PACRG: variants seen among roughly 807,000 people sequenced by gnomAD.
PACRG encodes the protein parkin coregulated gene protein.
Under a neutral mutation model 29.7 loss-of-function variants are expected in PACRG, and 29 were observed. The observed-to-expected ratio is 0.98, with a 90% confidence interval of 0.73 to 1.33. The LOEUF (loss-of-function observed/expected upper bound fraction) is 1.33, where lower values mean the gene tolerates loss of function less well. Ranked by LOEUF, PACRG falls within the 40% of genes most tolerant of loss-of-function variation. The pLI, the probability that PACRG is intolerant of heterozygous loss-of-function variation, is 0.00. For synonymous variants in PACRG, 116 were observed against 118.7 expected (o/e 0.98, Z 0.15); for missense variants, 279 against 316.2 (o/e 0.88, Z 0.89).
intron 2 of PACRG, among the ~76,000 whole-genome samples, chr6:162,871,565 G>C (rs1402167234): frequency 6.6e-6 from 1 of 151,982 alleles, no homozygotes; most frequent in African/African-American, 2.4e-5. Context: ...TCATATATAT[G>C]TTTTCAAATA....
At chr6:163,141,772 A>AT (rs1388792591) in intron 4 of PACRG, among the ~76,000 whole-genome samples, 1 of 152,192 alleles carries the variant, frequency 6.6e-6, no homozygotes, top group African/African-American at 2.4e-5. Flanking sequence ...TCCTAACAAT[A>AT]TAGCAGAAAC....
intron 1 of PACRG, among the ~76,000 whole-genome samples, chr6:162,789,941 G>A (rs28360546): frequency 0.084 from 12,787 of 152,158 alleles, 683 homozygotes; most frequent in Middle Eastern, 0.17. Flanking sequence ...CCTGCATATG[G>A]AGTAACACCT....
In PACRG at chr6:163,089,250, A is replaced by G. The variant is rs1294673473; in HGVS notation, c.464-9A>G. On this transcript the variant is annotated splice_polypyrimidine_tract_variant and intron_variant, in intron 3 of 4. Transcript: ENST00000366888. ...ATATTTTCTGCTTGGTCCTTCTTTT[A>G]CCATATAGATGCCTTGAACCTCCGA... is the stretch of plus-strand genomic sequence containing the variant. The G allele has an allele frequency of 8.7e-6, 14 of 1,610,880 alleles. No homozygotes were observed. The highest frequency in any genetic ancestry group is 1.2e-5 in the Non-Finnish European group (14 of 1,178,340).
At chr6:163,052,005 C>G (rs1810064221) in intron 2 of PACRG, 1 of 152,090 alleles carries the variant, frequency 6.6e-6, no homozygotes, top group South Asian at 2.1e-4. Flanking sequence ...TGCTATATTA[C>G]ATGATTTTAG....
intron 2 of PACRG, among the ~76,000 whole-genome samples, chr6:163,059,093 A>G (rs1810874852): frequency 6.6e-6 from 1 of 152,048 alleles, no homozygotes; most frequent in Admixed American, 6.5e-5. Flanking sequence ...AAAAAAAAAA[A>G]AAGTTAAAAA....
intron 1 of PACRG, among the ~76,000 whole-genome samples, chr6:162,763,418 T>C (rs1288782183): frequency 6.6e-6 from 1 of 152,208 alleles, no homozygotes. Flanking sequence ...ACATCCATTA[T>C]CCTTCTGATT....
chr6:163,305,914 A>G (rs537216983), intron 4 of PACRG, among the ~76,000 whole-genome samples: 13 of 152,282 alleles, frequency 8.5e-5, no homozygotes, highest in African/African-American at 3.1e-4. Flanking sequence ...TGTAGGTAGC[A>G]AATGTTCTGC....
rs1427598798 is a variant in PACRG at position 163,209,492 on chromosome 6, A to G, written c.614-105335A>G. On this transcript the variant is annotated intron_variant, in intron 4 of 4. Transcript: ENST00000366888. ...GGGCATAAAGTAGAGATTGAATGAT[A>G]CCCACAACAAATAATTGTTAATATT... Among the ~76,000 whole-genome samples, 3 of 152,252 alleles carry G rather than the reference A, an allele frequency of 2.0e-5. No homozygotes were observed. In the East Asian group the frequency reaches 5.8e-4, roughly 29 times the overall value.
At chr6:163,263,875 G>A in intron 4 of PACRG, among the ~76,000 whole-genome samples, 1 of 152,172 alleles carries the variant, frequency 6.6e-6, no homozygotes, top group East Asian at 1.9e-4. Flanking sequence ...ACAAAAGATA[G>A]CACTGAGAAA....
At chr6:163,072,260 A>G (rs1410703136) in intron 3 of PACRG, among the ~76,000 whole-genome samples, 1 of 152,184 alleles carries the variant, frequency 6.6e-6, no homozygotes, top group Non-Finnish European at 1.5e-5. Context: ...ACCAAGTGAG[A>G]TTTATCCCAG....
chr6:163,137,185 A>C (rs35399057), intron 4 of PACRG, among the ~76,000 whole-genome samples: 4 of 151,854 alleles, frequency 2.6e-5, no homozygotes, highest in African/African-American at 4.8e-5. Flanking sequence ...TGTTTAATGA[A>C]CTCTGTTTTA....
rs6916950 is a variant in PACRG at position 162,867,060 on chromosome 6, G to A, written c.291+52779G>A. 5.3e-3 allele frequency among the ~76,000 whole-genome samples: 805 copies of A among 152,188 alleles called. 9 individuals are homozygous for A. Among genetic ancestry groups the A allele is most frequent in the African/African-American group, 0.019 (780 of 41,506 alleles). ...TTAGCTGATAACCAGGGTCCACAGCGGGAAAGACTGGGCAATAGGTCTCCA... is the reference window on the plus strand; with the variant it reads ...TTAGCTGATAACCAGGGTCCACAGCAGGAAAGACTGGGCAATAGGTCTCCA... On this transcript the variant is annotated intron_variant, in intron 2 of 4. Transcript: ENST00000366888.
chr6:162,825,971 A>G (rs1029137), intron 2 of PACRG, among the ~76,000 whole-genome samples: 2 of 150,732 alleles, frequency 1.3e-5, no homozygotes, highest in Non-Finnish European at 3.0e-5. Context: ...TTCTTCCCGT[A>G]TTTATAGTTT....
At chr6:162,827,391 G>T (rs1353894791) in intron 2 of PACRG, among the ~76,000 whole-genome samples, 1 of 152,140 alleles carries the variant, frequency 6.6e-6, no homozygotes, top group African/African-American at 2.4e-5. Context: ...ATGGACTATG[G>T]TGACTATGAC....
intron 4 of PACRG, among the ~76,000 whole-genome samples, chr6:163,233,425 G>T (rs1430947756): frequency 6.6e-6 from 1 of 152,256 alleles, no homozygotes; most frequent in Non-Finnish European, 1.5e-5. Context: ...GGAGAGAAAT[G>T]ACACCAGCCT....
At chr6:162,761,063 C>T (rs764448451) in intron 1 of PACRG, among the ~76,000 whole-genome samples, 2 of 152,146 alleles carry the variant, frequency 1.3e-5, no homozygotes, top group Non-Finnish European at 2.9e-5. Context: ...TCTTTCTGGC[C>T]ACTCTTCACC....
intron 2 of PACRG, among the ~76,000 whole-genome samples, chr6:162,973,917 A>C (rs548552666): frequency 6.6e-6 from 1 of 152,312 alleles, no homozygotes; most frequent in African/African-American, 2.4e-5. Context: ...ATTTCAGAAA[A>C]AATAAAGACA....
chr6:163,263,532 C>G (rs1475458774), intron 4 of PACRG, among the ~76,000 whole-genome samples: 1 of 152,146 alleles, frequency 6.6e-6, no homozygotes, highest in Admixed American at 6.6e-5. Context: ...TCTTCTCAAT[C>G]ACAAAAGCTC....
chr6:163,065,373 A>G (rs1811444959), intron 3 of PACRG, among the ~76,000 whole-genome samples: 1 of 152,148 alleles, frequency 6.6e-6, no homozygotes, highest in South Asian at 2.1e-4. Flanking sequence ...TCCAGTAGGA[A>G]AAGACAAATC....
Sources: gnomAD v4.1 joint callset for allele counts (sites outside exome capture counted in the v4.1 genomes callset) on GRCh38, gnomAD v4.1.1 for gene constraint, MANE v1.5 for transcripts, NCBI Gene and HGNC (gene_info 2026-07-23, HGNC 2026-07-21) for gene names.